TNXB: variants seen among roughly 807,000 people sequenced by gnomAD.
TNXB encodes tenascin XB, also known as tenascin-X.
A neutral mutation model predicts 340.5 loss-of-function variants in TNXB; 183 were observed. The ratio of observed to expected loss-of-function variants is 0.54; its 90% CI spans 0.48 to 0.61. TNXB has a LOEUF of 0.61. Among genes scored for constraint, TNXB ranks in the 20% least tolerant of loss-of-function variants. The probability of loss-of-function intolerance (pLI) is 0.00; values close to 1 mark genes in which losing one functional copy is unlikely to be tolerated. For synonymous variants in TNXB, 2,121 were observed against 2,314.5 expected, an observed-to-expected ratio of 0.92 and a Z score of 2.40; for missense variants, 4,613 against 5,446.4, an observed-to-expected ratio of 0.85 and a Z score of 4.82.
At chr6:32,041,512 C>G in intron 43 of TNXB, 62 bp from the exon 44 acceptor site, 1 of 1,224,842 alleles carries the variant, frequency 8.2e-7, no homozygotes. Flanking sequence ...TTCCCGTTCC[C>G]CTTAAGGAGG....
chr6:32,047,760 C>T lies in TNXB; in HGVS notation c.10298G>A (p.Gly3433Asp), dbSNP rs1776984746. The change falls in exon 30 of 44, where the codon GGC becomes GAC. Residue 3433 changes from glycine (G) to aspartate (D), a missense_variant. Gly to Asp is a moderately conservative substitution (Grantham distance 94). Coordinates refer to ENST00000644971, the MANE Select transcript of TNXB (RefSeq NM_001365276.2). This position sits in a 1 kb window ranked among gnomAD's most constrained non-coding sequence, Gnocchi z 6.2. ...LYGLSGRKRL[G>D]PISADSTTAP... Reference sequence around the variant, plus strand: ...TGTGGTGCTGTCAGCAGAGATGGGGCCCAGTCGTTTCCTGCCTGACAGACC... The same window carrying T: ...TGTGGTGCTGTCAGCAGAGATGGGGTCCAGTCGTTTCCTGCCTGACAGACC... 1.2e-6 allele frequency: 2 copies of T among 1,605,128 alleles called. No homozygotes were observed. The highest frequency in any genetic ancestry group is 1.7e-6 in the Non-Finnish European group (2 of 1,176,338).
At chr6:32,102,660 G>A (rs1281556667) in intron 1 of TNXB, among the ~76,000 whole-genome samples, 1 of 152,226 alleles carries the variant, frequency 6.6e-6, no homozygotes, top group South Asian at 2.1e-4. Flanking sequence ...AGTGGCTCAT[G>A]CCTGTAATCC....
At position 32,056,058 on chromosome 6, in the gene TNXB, G is replaced by A. The variant is rs1777616672; in HGVS notation, c.8260C>T (p.Leu2754Phe). Reference protein sequence around the residue: ...VTGSSPDSLSLSWTIPQGHFD... With the variant: ...VTGSSPDSLSFSWTIPQGHFD... ...TGGCCCTGGGGGATGGTCCAGGAGA[G>A]GCTCAGCGAGTCAGGGGAGGATCCT... The change falls in exon 24 of 44, where the codon CTC becomes TTC. Residue 2754 changes from leucine (L) to phenylalanine (F), a missense_variant. Leu to Phe is a conservative substitution (Grantham distance 22, BLOSUM62 0). This residue lies in a region of TNXB where 4,327 missense variants were observed against 4,859.4 expected (regional missense o/e 0.89). Transcript: ENST00000644971. The A allele has an allele frequency of 3.7e-6, 6 of 1,612,758 alleles. No homozygotes were observed. The highest frequency in any genetic ancestry group is 5.1e-6 in the Non-Finnish European group (6 of 1,179,878).
In TNXB at chr6:32,081,570, T is replaced by A. The variant is rs764451909; in HGVS notation, c.3840A>T (p.Ser1280=). ...TGVTPDSLRL[S]WTVAQGPFDS... is the part of the protein sequence containing the mutation. The stretch of plus-strand genomic sequence containing the variant: ...CGAAGGGGCCCTGGGCCACTGTCCA[T>A]GAGAGACGCAAGGAGTCTGGGGTCA... Residue 1280 remains serine (S), a synonymous_variant, in exon 10 of 44, where the codon TCA becomes TCT. Coordinates refer to ENST00000644971, the MANE Select transcript of TNXB (RefSeq NM_001365276.2). The surrounding 1 kb of genome is among the most constrained non-coding windows in gnomAD (Gnocchi z 5.1). The A allele has an allele frequency of 2.5e-6, 4 of 1,602,714 alleles. No individual in the cohort carries two copies. The highest frequency in any genetic ancestry group is 3.4e-6 in the Non-Finnish European group (4 of 1,174,912).
Position 32,043,308 on chromosome 6 carries a change from CA to C in TNXB, c.11660del (p.Leu3887ArgfsTer47). 2.8e-6 allele frequency: 1 copy of C among 354,312 alleles called. No homozygotes were observed. 21.9% of individuals were successfully genotyped at this position (354,312 alleles called of 1,614,324 possible). A position where few individuals can be genotyped will look rare whatever the true frequency, so the allele number is the denominator to read the frequency against. On this transcript the variant is annotated frameshift_variant, in exon 37 of 44. Coordinates refer to ENST00000644971, the MANE Select transcript of TNXB (RefSeq NM_001365276.2). LOFTEE classifies it high-confidence loss of function. ...VQVTAPGAPPLQAETPGSAVD... is the reference protein window; with the variant it reads ...VQVTAPGAPPXQAETPGSAVD... ...CCGCGCTGCCTGGGGTCTCCGCCTG[CA>C]GAGGCGGGGCTGGGAGTGTAGAGAG...
chr6:32,088,549 G>T (rs1779921562), intron 6 of TNXB, among the ~76,000 whole-genome samples: 1 of 135,872 alleles, frequency 7.4e-6, no homozygotes, highest in Non-Finnish European at 1.6e-5. Flanking sequence ...TCTCCCTGGG[G>T]CCATTCCTTT....
Position 32,090,756 on chromosome 6 carries a change from G to A in TNXB, c.2359-1377C>T, listed in dbSNP as rs952834394. Among the ~76,000 whole-genome samples, 10 of 152,106 alleles carry A rather than the reference G, an allele frequency of 6.6e-5. No homozygotes were observed. The highest frequency in any genetic ancestry group is 1.3e-4 in the Non-Finnish European group (9 of 68,014). On this transcript the variant is annotated intron_variant, in intron 4 of 43. Transcript: ENST00000644971. This position sits in a 1 kb window ranked among gnomAD's most constrained non-coding sequence, Gnocchi z 4.3. Reference sequence around the variant, plus strand: ...GCCCTCTCCTATTCACCCTGCCTTAGAATACCCCAGCCTAGGAAGCCTTGG... The same window carrying A: ...GCCCTCTCCTATTCACCCTGCCTTAAAATACCCCAGCCTAGGAAGCCTTGG...
In TNXB at chr6:32,068,575, C is replaced by A; in HGVS notation, c.6035G>T (p.Gly2012Val). The A allele has an allele frequency of 6.2e-7, 1 of 1,614,024 alleles. No individual in the cohort carries two copies. The highest frequency in any genetic ancestry group is 1.1e-5 in the South Asian group (1 of 91,088). ...SLSLSWTVPE[G>V]QFDHFLVQYR... is the part of the protein sequence containing the mutation. ...CTGGACCAGGAAGTGGTCAAACTGT[C>A]CCTCGGGAACTGTCCAGGACAGGCT... Residue 2012 changes from glycine (G) to valine (V), a missense_variant, in exon 17 of 44, where the codon GGA becomes GTA. Gly to Val is a moderately radical substitution (Grantham distance 109). Coordinates refer to ENST00000644971, the MANE Select transcript of TNXB (RefSeq NM_001365276.2). This position sits in a 1 kb window ranked among gnomAD's most constrained non-coding sequence, Gnocchi z 5.3.
At chr6:32,086,165 C>T (rs753265637) in intron 6 of TNXB, 47 bp from the exon 7 acceptor site, 46 of 1,440,686 alleles carry the variant, frequency 3.2e-5, no homozygotes, top group Non-Finnish European at 3.1e-5. Context: ...AGTATGAGAA[C>T]TAGAAAGGAA....
intron 11 of TNXB, 125 bp downstream of exon 11, chr6:32,078,908 C>T: frequency 9.5e-7 from 1 of 1,057,110 alleles, no homozygotes; most frequent in Non-Finnish European, 1.3e-6. Context: ...GTGACATGCT[C>T]TTTCTAGGTC....
chr6:32,070,121 C>A lies in TNXB; in HGVS notation c.5278+6G>T. The A allele has an allele frequency of 6.4e-7, 1 of 1,555,558 alleles. No homozygotes were observed. The highest frequency in any genetic ancestry group is 1.2e-5 in the South Asian group (1 of 82,526). On this transcript the variant is annotated splice_donor_region_variant and intron_variant, in intron 14 of 43. Coordinates refer to ENST00000644971, the MANE Select transcript of TNXB (RefSeq NM_001365276.2). The surrounding 1 kb of genome is among the most constrained non-coding windows in gnomAD (Gnocchi z 6.0). Reference sequence around the variant, plus strand: ...AGAGCAGGGACCTGCAGGGAATGCCCCTCACCCGTGGTGCCGTCGGCAGTG... The same window carrying A: ...AGAGCAGGGACCTGCAGGGAATGCCACTCACCCGTGGTGCCGTCGGCAGTG...
Position 32,055,972 on chromosome 6 carries a change from G to A in TNXB, c.8346C>T (p.Val2782=), listed in dbSNP as rs756337083. The change falls in exon 24 of 44, where the codon GTC becomes GTT. Residue 2782 remains valine, a synonymous_variant. Transcript: ENST00000644971. The part of the protein sequence containing the change: ...DRDGRPQVMR[V]RGEESEVTVG... Reference sequence around the variant, plus strand: ...CGGTGACCTCGCTCTCCTCGCCCCTGACACGCATCACCTGGGGCCGCCCGT... The same window carrying A: ...CGGTGACCTCGCTCTCCTCGCCCCTAACACGCATCACCTGGGGCCGCCCGT... 1.9e-6 allele frequency: 3 copies of A among 1,613,368 alleles called. No individual in the cohort carries two copies. Among genetic ancestry groups the A allele is most frequent in the African/African-American group, 1.3e-5 (1 of 74,930 alleles).
intron 6 of TNXB, among the ~76,000 whole-genome samples, chr6:32,088,299 G>C (rs535314880): frequency 6.6e-6 from 1 of 152,270 alleles, no homozygotes; most frequent in Non-Finnish European, 1.5e-5. Flanking sequence ...GTGTCCCCCT[G>C]TCACAGGAAA....
At chr6:32,057,959 G>A in intron 22 of TNXB, 99 bp downstream of exon 22, 2 of 1,354,570 alleles carry the variant, frequency 1.5e-6, no homozygotes, top group Non-Finnish European at 2.0e-6. Context: ...TCCTTTCACT[G>A]TGAGCCCCAT....
At position 32,097,499 on chromosome 6, in the gene TNXB, G is replaced by A; in HGVS notation, c.404-50C>T. 2 of 1,544,726 alleles carry A rather than the reference G, an allele frequency of 1.3e-6. No homozygotes were observed. Among genetic ancestry groups the A allele is most frequent in the South Asian group, 1.2e-5 (1 of 82,828 alleles). Reference sequence around the variant, plus strand: ...TCTCAGTCTCTCTCCTGGGAGAGAGGCTGAGCCTATGTAGTGCTCCTATGT... The same window carrying A: ...TCTCAGTCTCTCTCCTGGGAGAGAGACTGAGCCTATGTAGTGCTCCTATGT... On this transcript the variant is annotated intron_variant, in intron 2 of 43. Transcript: ENST00000644971. The surrounding 1 kb of genome is among the most constrained non-coding windows in gnomAD (Gnocchi z 5.9).
rs117587226 is a variant in TNXB, at chr6:32,085,385, A to G, written c.3148+365T>C. Among the ~76,000 whole-genome samples, 19 of 152,262 alleles carry G rather than the reference A, an allele frequency of 1.2e-4. No homozygotes were observed. The East Asian group carries it at 3.7e-3, about 29-fold the overall frequency. On this transcript the variant is annotated intron_variant, in intron 7 of 43. Transcript: ENST00000644971. The surrounding 1 kb of genome is among the most constrained non-coding windows in gnomAD (Gnocchi z 6.4). ...TTCCCATGCCCACCCTGAAAGATTTATAGGGCAGGGAAGGGCAGAGGAGCA... is the reference window on the plus strand; with the variant it reads ...TTCCCATGCCCACCCTGAAAGATTTGTAGGGCAGGGAAGGGCAGAGGAGCA...
intron 1 of TNXB, among the ~76,000 whole-genome samples, chr6:32,103,527 G>A (rs1780828796): frequency 6.6e-6 from 1 of 151,426 alleles, no homozygotes; most frequent in Admixed American, 6.6e-5. Context: ...GGCCACAGTT[G>A]TCAAAATTTA....
In TNXB at chr6:32,046,648, TG is replaced by T; in HGVS notation, c.10325-193del. 1 of 498,956 alleles carries T rather than the reference TG, an allele frequency of 2.0e-6. No individual in the cohort carries two copies. The highest frequency in any genetic ancestry group is 3.5e-6 in the Non-Finnish European group (1 of 287,366). The allele number at this position is 498,956 out of a possible 1,614,324, so 30.9% of individuals were successfully genotyped here. A position where few individuals can be genotyped will look rare whatever the true frequency, so the allele number is the denominator to read the frequency against. On this transcript the variant is annotated intron_variant, in intron 30 of 43. Coordinates refer to ENST00000644971, the MANE Select transcript of TNXB (RefSeq NM_001365276.2). This position sits in a 1 kb window ranked among gnomAD's most constrained non-coding sequence, Gnocchi z 6.9. ...GAGGGAGAACAGCCCCCTCCTCCTCTGGAGGCTGCTGCCCAAACTCCTTCCT... is the reference window on the plus strand; with the variant it reads ...GAGGGAGAACAGCCCCCTCCTCCTCTGAGGCTGCTGCCCAAACTCCTTCCT...
Position 32,067,769 on chromosome 6 carries a change from T to A in TNXB, c.6436A>T (p.Ser2146Cys). The A allele has an allele frequency of 6.2e-7, 1 of 1,613,390 alleles. No homozygotes were observed. The highest frequency in any genetic ancestry group is 8.5e-7 in the Non-Finnish European group (1 of 1,179,816). Residue 2146 changes from serine to cysteine, a missense_variant, in exon 18 of 44, where the codon AGT (serine) becomes TGT (cysteine). Ser to Cys is a moderately radical substitution (Grantham distance 112). This residue lies in a region of TNXB where 4,327 missense variants were observed against 4,859.4 expected (regional missense o/e 0.89). Transcript: ENST00000644971. The surrounding 1 kb of genome is among the most constrained non-coding windows in gnomAD (Gnocchi z 4.2). ...TCCAGGCCCCCCACGGTGACTTCAC[T>A]CTCCTCGCCCCCAACACGCACCACC... ...PQVVRVGGEE[S>C]EVTVGGLEPG...
Sources: allele counts gnomAD v4.1 joint callset (sites outside exome capture counted in the v4.1 genomes callset), GRCh38; gene constraint gnomAD v4.1.1; regional missense constraint gnomAD v4.1.1; non-coding constraint Gnocchi (gnomAD v3.1); transcripts MANE v1.5; gene names NCBI Gene and HGNC (gene_info 2026-07-23, HGNC 2026-07-21).